TDRD7: variants seen among roughly 807,000 people sequenced by gnomAD.
TDRD7 encodes tudor domain containing 7, also known as tudor domain-containing protein 7.
In TDRD7, 47 loss-of-function variants were observed where a neutral mutation model predicts 109.8. The observed-to-expected ratio is 0.43, with a 90% CI of 0.34 to 0.55. TDRD7 has a LOEUF of 0.55. Among genes scored for constraint, TDRD7 ranks in the 20% least tolerant of loss-of-function variants. The probability of loss-of-function intolerance (pLI) is 0.03; values close to 1 mark genes in which losing one functional copy is unlikely to be tolerated. For synonymous variants in TDRD7, 424 were observed against 457.3 expected (o/e 0.93, Z 0.93); for missense variants, 1,164 against 1,319.2 (o/e 0.88, Z 1.82).
intron 6 of TDRD7, among the ~76,000 whole-genome samples, chr9:97,458,540 G>A (rs763457111): frequency 2.0e-5 from 3 of 152,092 alleles, no homozygotes; most frequent in African/African-American, 4.8e-5. Flanking sequence ...CATAAACTGC[G>A]CCAATCATAT....
chr9:97,447,101 G>C (rs541529580), intron 6 of TDRD7, among the ~76,000 whole-genome samples: 1 of 152,216 alleles, frequency 6.6e-6, no homozygotes, highest in South Asian at 2.1e-4. Flanking sequence ...TAAATTCGGT[G>C]AACGTCTGAG....
chr9:97,486,676 T>C (rs1829217194), intron 15 of TDRD7, among the ~76,000 whole-genome samples: 1 of 152,210 alleles, frequency 6.6e-6, no homozygotes, highest in Non-Finnish European at 1.5e-5. Flanking sequence ...TTTGCTCTGC[T>C]CCAAAACACT....
At chr9:97,444,034 T>C (rs1350725622) in intron 6 of TDRD7, among the ~76,000 whole-genome samples, 1 of 152,164 alleles carries the variant, frequency 6.6e-6, no homozygotes, top group Admixed American at 6.5e-5. Context: ...TTCTAGAATT[T>C]CTCTTGCTAG....
rs763239759 is a variant in TDRD7 at position 97,495,717 on chromosome 9, T to C, written c.3131T>C (p.Val1044Ala). The change falls in exon 17 of 17, where the codon GTG becomes GCG. Residue 1044 changes from valine (V) to alanine (A), a missense_variant. Coordinates refer to ENST00000355295, the MANE Select transcript of TDRD7 (RefSeq NM_014290.3). ...GCTTCTATGGTGTTTCGAAATCATG[T>C]GGAGAAGAAACCTCTGGTGGCACTG... ...EEASMVFRNH[V>A]EKKPLVALVQ... 2 of 1,614,232 alleles carry C rather than the reference T, an allele frequency of 1.2e-6. No individual in the cohort carries two copies. The highest frequency in any genetic ancestry group is 1.7e-6 in the Non-Finnish European group (2 of 1,180,038).
chr9:97,475,457 G>T lies in TDRD7; in HGVS notation c.2154G>T (p.Trp718Cys). The T allele has an allele frequency of 6.2e-7, 1 of 1,612,080 alleles. No individual in the cohort carries two copies. The highest frequency in any genetic ancestry group is 8.5e-7 in the Non-Finnish European group (1 of 1,178,424). The change falls in exon 12 of 17, where the codon TGG (tryptophan) becomes TGT (cysteine). Residue 718 changes from tryptophan (W) to cysteine (C), a missense_variant. Physicochemically the swap from Trp to Cys is radical, Grantham distance 215 (BLOSUM62 -2). Transcript: ENST00000355295. ...KICLFHCKGKWLRVEITNVHS... is the reference protein window; with the variant it reads ...KICLFHCKGKCLRVEITNVHS... Reference sequence around the variant, plus strand: ...GCCTCTTCCATTGCAAAGGAAAATGGTTACGAGTAGAGGTAAAAATCAGTC... The same window carrying T: ...GCCTCTTCCATTGCAAAGGAAAATGTTTACGAGTAGAGGTAAAAATCAGTC...
At chr9:97,475,126 G>T (rs976596338) in intron 11 of TDRD7, among the ~76,000 whole-genome samples, 1 of 152,170 alleles carries the variant, frequency 6.6e-6, no homozygotes, top group Non-Finnish European at 1.5e-5. Flanking sequence ...ATGATCTTAT[G>T]CTAATGTTTT....
Position 97,412,932 on chromosome 9 carries a change from A to G in TDRD7, c.-7+694A>G, listed in dbSNP as rs1214044359. 6.6e-6 allele frequency among the ~76,000 whole-genome samples: 1 copy of G among 152,196 alleles called. No individual in the cohort carries two copies. The highest frequency in any genetic ancestry group is 6.5e-5 in the Admixed American group (1 of 15,278). ...TGCTAGGAGGGAGCTTGGAGCCGGC[A>G]TATCTTTCTGCTCCCATTCACTTGA... is the stretch of plus-strand genomic sequence containing the variant. On this transcript the variant is annotated intron_variant, in intron 1 of 16. Coordinates refer to ENST00000355295, the MANE Select transcript of TDRD7 (RefSeq NM_014290.3). This position sits in a 1 kb window ranked among gnomAD's most constrained non-coding sequence, Gnocchi z 4.3.
At chr9:97,450,155 C>T (rs1175060036) in intron 6 of TDRD7, among the ~76,000 whole-genome samples, 1 of 151,350 alleles carries the variant, frequency 6.6e-6, no homozygotes, top group East Asian at 2.0e-4. Flanking sequence ...CCTGTCTCTC[C>T]TGCTGGAGGT....
chr9:97,480,450 G>A, intron 13 of TDRD7: 1 of 229,066 alleles, frequency 4.4e-6, no homozygotes, highest in Non-Finnish European at 8.8e-6. Context: ...TTTAAGTTGA[G>A]CTAGAGGGTA....
chr9:97,437,857 A>G (rs1828232443), intron 4 of TDRD7, among the ~76,000 whole-genome samples: 1 of 152,200 alleles, frequency 6.6e-6, no homozygotes, highest in Non-Finnish European at 1.5e-5. Flanking sequence ...TCTTAGTGTT[A>G]TAAAACTGCT....
In TDRD7 at chr9:97,466,907, A is replaced by T. The variant is rs1383886315; in HGVS notation, c.1629+1879A>T. On this transcript the variant is annotated intron_variant, in intron 8 of 16. Transcript: ENST00000355295. ...GTATACATTGATCAAAGCCCATCAA[A>T]CTGTATTGTAAACAGGTATCTTTTA... Among the ~76,000 whole-genome samples the T allele has an allele frequency of 2.6e-5, 4 of 152,212 alleles. No individual in the cohort carries two copies. The East Asian group carries it at 7.7e-4, about 29-fold the overall frequency.
intron 13 of TDRD7, among the ~76,000 whole-genome samples, chr9:97,479,466 G>A (rs1344126760): frequency 6.6e-6 from 1 of 152,148 alleles, no homozygotes; most frequent in African/African-American, 2.4e-5. Flanking sequence ...TGGGCTGGAG[G>A]GCAGTTGGGA....
chr9:97,451,510 A>G (rs920075586), intron 6 of TDRD7, among the ~76,000 whole-genome samples: 27 of 152,188 alleles, frequency 1.8e-4, no homozygotes, highest in African/African-American at 6.5e-4. Context: ...CTGGTCTTCA[A>G]CTATTAGTCT....
At chr9:97,477,866 G>T (rs1829048597) in intron 12 of TDRD7, among the ~76,000 whole-genome samples, 1 of 151,986 alleles carries the variant, frequency 6.6e-6, no homozygotes, top group Admixed American at 6.5e-5. Flanking sequence ...TCCTAGAATT[G>T]GAGAAATAAT....
Position 97,460,659 on chromosome 9 carries a change from A to T in TDRD7, c.1337A>T (p.Asn446Ile), listed in dbSNP as rs137960660. 9 of 1,614,084 alleles carry T rather than the reference A, an allele frequency of 5.6e-6. No individual in the cohort carries two copies. The African/African-American group carries it at 1.2e-4, about 22-fold the overall frequency. ...GAAGAAAGCATTGCTGAAAGTGCTAATACCTTTATGGAGGACATAACAGTT... is the reference window on the plus strand; with the variant it reads ...GAAGAAAGCATTGCTGAAAGTGCTATTACCTTTATGGAGGACATAACAGTT... ...QVEESIAESA[N>I]TFMEDITVPP... Residue 446 changes from asparagine (N) to isoleucine (I), a missense_variant, in exon 7 of 17, where the codon AAT becomes ATT. Asn to Ile is a moderately radical substitution (Grantham distance 149). Coordinates refer to ENST00000355295, the MANE Select transcript of TDRD7 (RefSeq NM_014290.3).
chr9:97,433,453 A>G (rs1270084358), intron 4 of TDRD7, among the ~76,000 whole-genome samples: 1 of 152,090 alleles, frequency 6.6e-6, no homozygotes, highest in Non-Finnish European at 1.5e-5. Flanking sequence ...TCAGCAATAC[A>G]TTTTGAATGA....
chr9:97,455,126 G>A (rs1396211232), intron 6 of TDRD7, among the ~76,000 whole-genome samples: 1 of 152,072 alleles, frequency 6.6e-6, no homozygotes, highest in Non-Finnish European at 1.5e-5. Context: ...ACTAAACCAG[G>A]AAGAAATCGA....
At chr9:97,477,351 G>A (rs1829041303) in intron 12 of TDRD7, among the ~76,000 whole-genome samples, 1 of 152,110 alleles carries the variant, frequency 6.6e-6, no homozygotes, top group African/African-American at 2.4e-5. Flanking sequence ...ATCCCACATT[G>A]TCTTTAGTTG....
chr9:97,428,688 T>G lies in TDRD7; in HGVS notation c.207+16T>G. 1 of 1,611,080 alleles carries G rather than the reference T, an allele frequency of 6.2e-7. No individual in the cohort carries two copies. Among genetic ancestry groups the G allele is most frequent in the South Asian group, 1.1e-5 (1 of 91,044 alleles). On this transcript the variant is annotated intron_variant, in intron 2 of 16. Transcript: ENST00000355295. The stretch of plus-strand genomic sequence containing the variant: ...ATCTGGAGAGGTAAGAAGGTAATTG[T>G]GCGTGTCAGAAGAATCAAACCAATT...
Sources: gnomAD v4.1 joint callset for allele counts (sites outside exome capture counted in the v4.1 genomes callset) on GRCh38, gnomAD v4.1.1 for gene constraint, Gnocchi (gnomAD v3.1) non-coding constraint, MANE v1.5 for transcripts, NCBI Gene and HGNC (gene_info 2026-07-23, HGNC 2026-07-21) for gene names.